The following CREB5 variants were observed in gnomAD, a reference collection of about 807,000 sequenced individuals.
The protein encoded by CREB5 is cAMP responsive element binding protein 5.
CREB5 carries 19 observed loss-of-function variants against 57.1 expected under a neutral mutation model. The ratio of observed to expected loss-of-function variants is 0.33; its 90% CI spans 0.23 to 0.49. CREB5 has a LOEUF of 0.49. Ranked by LOEUF, CREB5 falls within the 20% of genes least tolerant of loss-of-function variation. The pLI is 0.99. For synonymous variants in CREB5, 238 were observed against 238.3 expected (o/e 1.00, Z 0.01); for missense variants, 579 against 671.6 (o/e 0.86, Z 1.52).
chr7:28,690,478 G>A (rs1307500479), intron 5 of CREB5, among the ~76,000 whole-genome samples: 3 of 152,182 alleles, frequency 2.0e-5, no homozygotes, highest in East Asian at 3.8e-4. Context: ...GCAGGGTGGG[G>A]TCTCCTGAAA....
chr7:28,352,858 C>G (rs1786261488), intron 1 of CREB5, among the ~76,000 whole-genome samples: 1 of 152,212 alleles, frequency 6.6e-6, no homozygotes, highest in African/African-American at 2.4e-5. Context: ...AATGTGCCCA[C>G]TGTCTCTCAG....
intron 1 of CREB5, among the ~76,000 whole-genome samples, chr7:28,375,473 A>C (rs1786804689): frequency 6.6e-6 from 1 of 152,286 alleles, no homozygotes; most frequent in African/African-American, 2.4e-5. Context: ...AGTCAATAAT[A>C]ATTTAATTGT....
At chr7:28,680,751 A>G (rs1211214422) in intron 5 of CREB5, among the ~76,000 whole-genome samples, 3 of 141,860 alleles carry the variant, frequency 2.1e-5, no homozygotes, top group African/African-American at 8.0e-5. Flanking sequence ...AGAACAAGAC[A>G]CTGTATCAAC....
intron 1 of CREB5, among the ~76,000 whole-genome samples, chr7:28,318,822 C>T (rs568156853): frequency 2.6e-5 from 4 of 152,262 alleles, no homozygotes; most frequent in Admixed American, 2.0e-4. Context: ...TTTCAAGGCT[C>T]ATCAAAATCA....
At chr7:28,720,018 C>T (rs10237352) in intron 6 of CREB5, among the ~76,000 whole-genome samples, 1,771 of 152,310 alleles carry the variant, frequency 0.012, 48 homozygotes, top group African/African-American at 0.04. Context: ...TGAGATCACA[C>T]CACTGCACTC....
chr7:28,305,011 A>G (rs1785159182), intron 1 of CREB5, among the ~76,000 whole-genome samples: 1 of 152,246 alleles, frequency 6.6e-6, no homozygotes, highest in African/African-American at 2.4e-5. Flanking sequence ...AAATTTTATA[A>G]CTAGGAAAAA....
intron 4 of CREB5, among the ~76,000 whole-genome samples, chr7:28,540,951 C>T (rs982632216): frequency 1.3e-5 from 2 of 152,210 alleles, no homozygotes; most frequent in East Asian, 3.8e-4. Context: ...AACATACCCA[C>T]TGATACCCAC....
chr7:28,730,002 A>G (rs563481113), intron 7 of CREB5, among the ~76,000 whole-genome samples: 53 of 152,324 alleles, frequency 3.5e-4, no homozygotes, highest in Admixed American at 1.2e-3. Flanking sequence ...AGCAATCTAC[A>G]GTCTCACTTG....
intron 5 of CREB5, among the ~76,000 whole-genome samples, chr7:28,665,195 C>G (rs1799775343): frequency 6.6e-6 from 1 of 152,086 alleles, no homozygotes; most frequent in Non-Finnish European, 1.5e-5. Flanking sequence ...CCATGAAGGA[C>G]CATCAGGGAG....
At chr7:28,364,846 C>A (rs1229236270) in intron 1 of CREB5, among the ~76,000 whole-genome samples, 1 of 152,186 alleles carries the variant, frequency 6.6e-6, no homozygotes, top group Admixed American at 6.5e-5. Context: ...TTTCAGAAAT[C>A]ACAACTCTTC....
intron 1 of CREB5, among the ~76,000 whole-genome samples, chr7:28,435,957 AT>A (rs1489464730): frequency 6.6e-6 from 1 of 152,122 alleles, no homozygotes; most frequent in Non-Finnish European, 1.5e-5. Flanking sequence ...TGGGTGTAAC[AT>A]TTCTCTGTCC....
intron 5 of CREB5, among the ~76,000 whole-genome samples, chr7:28,637,660 C>A (rs1443015248): frequency 1.3e-5 from 2 of 152,124 alleles, no homozygotes; most frequent in Non-Finnish European, 2.9e-5. Flanking sequence ...ACTATTTGCA[C>A]AGAAGAAACA....
chr7:28,533,015 T>C (rs1288779510), intron 4 of CREB5, among the ~76,000 whole-genome samples: 1 of 152,184 alleles, frequency 6.6e-6, no homozygotes, highest in Non-Finnish European at 1.5e-5. Context: ...AGGATGCTTG[T>C]TGAAAGAGCC....
At chr7:28,503,875 T>C (rs1792371928) in intron 3 of CREB5, among the ~76,000 whole-genome samples, 1 of 152,078 alleles carries the variant, frequency 6.6e-6, no homozygotes, top group Admixed American at 6.6e-5. Context: ...CAAAGACAAC[T>C]GCTTCCCTCC....
chr7:28,660,677 C>T (rs1799576960), intron 5 of CREB5, among the ~76,000 whole-genome samples: 1 of 152,136 alleles, frequency 6.6e-6, no homozygotes, highest in South Asian at 2.1e-4. Flanking sequence ...GTTTCCTAAA[C>T]TTATTTAAAT....
At chr7:28,758,843 A>T (rs993022216) in intron 7 of CREB5, among the ~76,000 whole-genome samples, 2 of 152,232 alleles carry the variant, frequency 1.3e-5, no homozygotes, top group Non-Finnish European at 2.9e-5. Context: ...TACTCTATCA[A>T]TATGGCCTTT....
At chr7:28,370,436 G>A (rs1418580285) in intron 1 of CREB5, among the ~76,000 whole-genome samples, 1 of 152,180 alleles carries the variant, frequency 6.6e-6, no homozygotes, top group African/African-American at 2.4e-5. Flanking sequence ...AAGGTGAGGT[G>A]TTTGGGAGGA....
chr7:28,809,857 C>T (rs551526882), intron 9 of CREB5, among the ~76,000 whole-genome samples: 1 of 152,328 alleles, frequency 6.6e-6, no homozygotes, highest in African/African-American at 2.4e-5. Flanking sequence ...AACAAACCTT[C>T]AGCTGAAAAG....
rs75443483 is a variant in CREB5, at chr7:28,483,938, G to A, written c.4-4237G>A. Among the ~76,000 whole-genome samples the A allele has an allele frequency of 6.6e-5, 10 of 152,306 alleles. No homozygotes were observed. In the East Asian group the frequency reaches 1.7e-3, roughly 26 times the overall value. ...CCAATAATTTGATTCAGGGCAAACA[G>A]TGTTTGAAAACCACTGCCTCAGGAG... On this transcript the variant is annotated intron_variant, in intron 1 of 10. Coordinates refer to ENST00000357727, the MANE Select transcript of CREB5 (RefSeq NM_182898.4).
Sources: allele counts gnomAD v4.1 joint callset (sites outside exome capture counted in the v4.1 genomes callset), GRCh38; gene constraint gnomAD v4.1.1; transcripts MANE v1.5; gene names NCBI Gene and HGNC (gene_info 2026-07-23, HGNC 2026-07-21).